The following UBE2E2 variants were observed in gnomAD, a reference collection of about 807,000 sequenced individuals.
UBE2E2 encodes ubiquitin-conjugating enzyme E2 E2.
In UBE2E2, 6 loss-of-function variants were observed where a neutral mutation model predicts 24.7. The ratio of observed to expected loss-of-function variants is 0.24; its 90% CI spans 0.13 to 0.48. The LOEUF is 0.48. Among genes scored for constraint, UBE2E2 ranks in the 20% least tolerant of loss-of-function variants. UBE2E2 has a pLI of 0.99. For synonymous variants in UBE2E2, 104 were observed against 83.6 expected, an observed-to-expected ratio of 1.24 and a Z score of -1.33; for missense variants, 169 against 245.0, an observed-to-expected ratio of 0.69 and a Z score of 2.07.
chr3:23,564,008 A>G (rs1479529427), intron 5 of UBE2E2, among the ~76,000 whole-genome samples: 2 of 150,540 alleles, frequency 1.3e-5, no homozygotes, highest in Non-Finnish European at 3.0e-5. Context: ...GAAAAGAGAA[A>G]GAAGGAAGGA....
chr3:23,311,108 T>C (rs1694374684), intron 3 of UBE2E2, among the ~76,000 whole-genome samples: 1 of 152,170 alleles, frequency 6.6e-6, no homozygotes, highest in Admixed American at 6.5e-5. Context: ...ACATGCGGTG[T>C]TTGGTTTTTT....
chr3:23,556,874 G>A (rs1695801869), intron 5 of UBE2E2, among the ~76,000 whole-genome samples: 1 of 152,124 alleles, frequency 6.6e-6, no homozygotes, highest in Admixed American at 6.6e-5. Flanking sequence ...TAGAATTATT[G>A]CTTTCTTTAC....
intron 3 of UBE2E2, among the ~76,000 whole-genome samples, chr3:23,488,034 T>C (rs1388017605): frequency 6.6e-6 from 1 of 152,072 alleles, no homozygotes; most frequent in Non-Finnish European, 1.5e-5. Context: ...ACCAACCTTT[T>C]TAGGAATAAA....
Position 23,543,558 on chromosome 3 carries a change from A to AT in UBE2E2, c.508+10857_508+10858insT, listed in dbSNP as rs199798131. On this transcript the variant is annotated intron_variant, in intron 5 of 5. Coordinates refer to ENST00000396703, the MANE Select transcript of UBE2E2 (RefSeq NM_152653.4). ...CTACAAAACACTGCTAAAAAAAAAA[A>AT]AATAATAATAGATGACAAACAAATG... 7.2e-3 allele frequency among the ~76,000 whole-genome samples: 1,060 copies of AT among 146,282 alleles called. 11 individuals carry two copies. The highest frequency in any genetic ancestry group is 0.026 in the African/African-American group (1,000 of 38,358).
At chr3:23,511,443 C>G (rs1694591765) in intron 4 of UBE2E2, among the ~76,000 whole-genome samples, 1 of 152,172 alleles carries the variant, frequency 6.6e-6, no homozygotes, top group African/African-American at 2.4e-5. Context: ...ACTTATGGGA[C>G]ACCTGAGTGG....
intron 3 of UBE2E2, among the ~76,000 whole-genome samples, chr3:23,227,167 A>G (rs1365562013): frequency 1.2e-4 from 19 of 152,298 alleles, no homozygotes; most frequent in South Asian, 4.1e-4. Flanking sequence ...CTTAAAATTG[A>G]TAATACATCC....
At chr3:23,428,240 A>G (rs1697974572) in intron 3 of UBE2E2, among the ~76,000 whole-genome samples, 1 of 152,254 alleles carries the variant, frequency 6.6e-6, no homozygotes, top group African/African-American at 2.4e-5. Flanking sequence ...AATTAGTAAC[A>G]GAAAGATAGC....
intron 3 of UBE2E2, among the ~76,000 whole-genome samples, chr3:23,282,992 A>C (rs1698523022): frequency 1.3e-5 from 2 of 152,192 alleles, no homozygotes; most frequent in South Asian, 4.1e-4. Flanking sequence ...ATTGAGTGAT[A>C]ATATAATGAT....
intron 3 of UBE2E2, among the ~76,000 whole-genome samples, chr3:23,482,801 C>T (rs927968413): frequency 6.6e-6 from 1 of 152,096 alleles, no homozygotes; most frequent in South Asian, 2.1e-4. Flanking sequence ...AATAATAATC[C>T]TATCTCACTT....
chr3:23,233,933 C>T (rs1471498091), intron 3 of UBE2E2, among the ~76,000 whole-genome samples: 2 of 152,028 alleles, frequency 1.3e-5, no homozygotes, highest in Non-Finnish European at 1.5e-5. Context: ...TAGCTTCTAT[C>T]AAATGTGTAA....
chr3:23,488,007 G>A (rs1427749748), intron 3 of UBE2E2, among the ~76,000 whole-genome samples: 1 of 151,422 alleles, frequency 6.6e-6, no homozygotes. Flanking sequence ...AAAAAATGCA[G>A]GTAGTAGGAT....
At chr3:23,217,458 G>C in intron 3 of UBE2E2, 146 bp downstream of exon 3, 1 of 764,068 alleles carries the variant, frequency 1.3e-6, no homozygotes, top group Non-Finnish European at 2.2e-6. Flanking sequence ...GGAAGACAAT[G>C]GTTTTTGTCA....
intron 3 of UBE2E2, among the ~76,000 whole-genome samples, chr3:23,273,534 A>C (rs967734062): frequency 6.6e-6 from 1 of 151,656 alleles, no homozygotes; most frequent in African/African-American, 2.4e-5. Context: ...CCGTCTCAAA[A>C]AAAAAAAAAA....
At chr3:23,258,104 G>T (rs1057396050) in intron 3 of UBE2E2, among the ~76,000 whole-genome samples, 2 of 152,206 alleles carry the variant, frequency 1.3e-5, no homozygotes, top group Admixed American at 1.3e-4. Flanking sequence ...ATAGGAATGG[G>T]ATTGGAATGC....
intron 3 of UBE2E2, among the ~76,000 whole-genome samples, chr3:23,328,362 G>A (rs1277402364): frequency 6.6e-6 from 1 of 152,074 alleles, no homozygotes; most frequent in Non-Finnish European, 1.5e-5. Flanking sequence ...TAAACATTCA[G>A]TAGAAAATGT....
chr3:23,374,814 A>AT (rs1172610753), intron 3 of UBE2E2, among the ~76,000 whole-genome samples: 1 of 152,068 alleles, frequency 6.6e-6, no homozygotes, highest in Admixed American at 6.6e-5. Context: ...TTAATTATTT[A>AT]TTTTTTTGAG....
rs62255344 is a variant in UBE2E2, at chr3:23,299,905, G to A, written c.227+82593G>A. 1.1e-4 allele frequency among the ~76,000 whole-genome samples: 17 copies of A among 151,906 alleles called. No homozygotes were observed. In the East Asian group the frequency reaches 1.6e-3, roughly 14 times the overall value. ...GGGGTGTTAAAGTCTCCCATTATTA[G>A]TGTGTGGGAGTCTAAGTCTCTTTGT... On this transcript the variant is annotated intron_variant, in intron 3 of 5. Transcript: ENST00000396703.
intron 3 of UBE2E2, among the ~76,000 whole-genome samples, chr3:23,422,585 A>G (rs1334292573): frequency 1.3e-5 from 2 of 152,208 alleles, no homozygotes; most frequent in African/African-American, 2.4e-5. Context: ...CCTCAGCCCT[A>G]TGTTGGAACA....
In UBE2E2 at chr3:23,402,792, C is replaced by G. The variant is rs530638621; in HGVS notation, c.228-96816C>G. ...ACTTTTCAGAATGTTGCCATCTGAT[C>G]TAGCTCAAGACCCTTAGTTTGTGAC... On this transcript the variant is annotated intron_variant, in intron 3 of 5. Coordinates refer to ENST00000396703, the MANE Select transcript of UBE2E2 (RefSeq NM_152653.4). Among the ~76,000 whole-genome samples the G allele has an allele frequency of 7.1e-4, 108 of 152,284 alleles. 1 individual carries two copies. Among genetic ancestry groups the G allele is most frequent in the African/African-American group, 2.5e-3 (104 of 41,558 alleles).
Sources: allele counts gnomAD v4.1 joint callset (sites outside exome capture counted in the v4.1 genomes callset), GRCh38; gene constraint gnomAD v4.1.1; transcripts MANE v1.5; gene names NCBI Gene and HGNC (gene_info 2026-07-23, HGNC 2026-07-21).